Variants in NKAIN2 observed in about 807,000 individuals in gnomAD.
NKAIN2 encodes sodium/potassium-transporting ATPase subunit beta-1-interacting protein 2.
A neutral mutation model predicts 32.6 loss-of-function variants in NKAIN2; 14 were observed. That is an observed-to-expected ratio of 0.43 (90% CI 0.28 to 0.67). NKAIN2 has a LOEUF of 0.67. Ranked by LOEUF, NKAIN2 falls within the 30% of genes least tolerant of loss-of-function variation. The pLI, the probability that NKAIN2 is intolerant of heterozygous loss-of-function variation, is 0.17. For synonymous variants in NKAIN2, 80 were observed against 87.2 expected (o/e 0.92, Z 0.46); for missense variants, 198 against 258.3 (o/e 0.77, Z 1.60).
intron 3 of NKAIN2, among the ~76,000 whole-genome samples, chr6:124,471,156 T>C (rs760363796): frequency 1.3e-5 from 2 of 152,168 alleles, no homozygotes; most frequent in Non-Finnish European, 2.9e-5. Context: ...TTTCCTTGCT[T>C]TTATTCTCCT....
intron 4 of NKAIN2, among the ~76,000 whole-genome samples, chr6:124,753,252 C>T (rs910416684): frequency 5.3e-5 from 8 of 152,098 alleles, no homozygotes; most frequent in Non-Finnish European, 1.2e-4. Context: ...TTCATGTCAC[C>T]TTGTCTGCAG....
chr6:123,880,764 G>A (rs1285657186), intron 1 of NKAIN2, among the ~76,000 whole-genome samples: 1 of 152,082 alleles, frequency 6.6e-6, no homozygotes, highest in Non-Finnish European at 1.5e-5. Context: ...CAAGGTTGAA[G>A]TAATGGTTTT....
At chr6:123,950,230 G>A (rs1315475754) in intron 1 of NKAIN2, among the ~76,000 whole-genome samples, 1 of 151,700 alleles carries the variant, frequency 6.6e-6, no homozygotes, top group Non-Finnish European at 1.5e-5. Context: ...TGTTCAGCAG[G>A]GATATTGACC....
At chr6:124,822,377 C>T (rs1385316999) in intron 6 of NKAIN2, among the ~76,000 whole-genome samples, 1 of 152,098 alleles carries the variant, frequency 6.6e-6, no homozygotes, top group Non-Finnish European at 1.5e-5. Flanking sequence ...GTCCAAACAC[C>T]CTAAAAATAT....
chr6:123,943,411 A>G (rs1251319924), intron 1 of NKAIN2, among the ~76,000 whole-genome samples: 1 of 152,046 alleles, frequency 6.6e-6, no homozygotes, highest in Non-Finnish European at 1.5e-5. Context: ...CTGTCATTGC[A>G]AAGATATGAT....
At chr6:124,481,812 C>A (rs1263578271) in intron 3 of NKAIN2, among the ~76,000 whole-genome samples, 1 of 151,906 alleles carries the variant, frequency 6.6e-6, no homozygotes, top group Non-Finnish European at 1.5e-5. Flanking sequence ...ATAGATCATG[C>A]ATGCATAACA....
At chr6:124,503,751 C>G (rs970427724) in intron 3 of NKAIN2, among the ~76,000 whole-genome samples, 1 of 152,074 alleles carries the variant, frequency 6.6e-6, no homozygotes, top group Non-Finnish European at 1.5e-5. Context: ...GAGCATTTTG[C>G]ATTCTAAGAA....
chr6:123,860,292 A>T (rs1775736289), intron 1 of NKAIN2, among the ~76,000 whole-genome samples: 1 of 152,238 alleles, frequency 6.6e-6, no homozygotes, highest in South Asian at 2.1e-4. Context: ...GTTAAAAAAA[A>T]TGCTGGGAAT....
chr6:124,039,871 A>T (rs1452069382), intron 1 of NKAIN2, among the ~76,000 whole-genome samples: 1 of 151,964 alleles, frequency 6.6e-6, no homozygotes, highest in Non-Finnish European at 1.5e-5. Flanking sequence ...TAACTGTAAT[A>T]ATTAATAGTG....
chr6:124,669,726 C>T (rs1212174722), intron 4 of NKAIN2, among the ~76,000 whole-genome samples: 1 of 152,064 alleles, frequency 6.6e-6, no homozygotes, highest in African/African-American at 2.4e-5. Context: ...TTCTTAAATT[C>T]TCCTCTTTCA....
chr6:124,794,635 CGCTT>C (rs1562387283), intron 5 of NKAIN2, among the ~76,000 whole-genome samples: 1 of 152,120 alleles, frequency 6.6e-6, no homozygotes, highest in African/African-American at 2.4e-5. Context: ...AGTAGACTGA[CGCTT>C]GCCTCAGATG....
At chr6:124,386,041 A>G (rs1451125792) in intron 3 of NKAIN2, among the ~76,000 whole-genome samples, 1 of 152,124 alleles carries the variant, frequency 6.6e-6, no homozygotes, top group Non-Finnish European at 1.5e-5. Context: ...TCTTTTTTAC[A>G]TTATTAATTG....
chr6:123,860,792 C>T (rs1775758364), intron 1 of NKAIN2, among the ~76,000 whole-genome samples: 1 of 152,212 alleles, frequency 6.6e-6, no homozygotes. Context: ...GACCACCTCT[C>T]ACATACTTTT....
chr6:124,517,828 T>G (rs1284902431), intron 3 of NKAIN2, among the ~76,000 whole-genome samples: 1 of 152,166 alleles, frequency 6.6e-6, no homozygotes, highest in African/African-American at 2.4e-5. Context: ...TTCTGTTATA[T>G]TTCCAAGAAC....
intron 3 of NKAIN2, among the ~76,000 whole-genome samples, chr6:124,547,338 G>T (rs371998451): frequency 1.3e-5 from 2 of 151,964 alleles, no homozygotes; most frequent in East Asian, 3.9e-4. Flanking sequence ...AATAGAAAGA[G>T]CATTCTATTG....
chr6:124,347,735 T>G (rs945178637), intron 2 of NKAIN2, among the ~76,000 whole-genome samples: 2 of 152,184 alleles, frequency 1.3e-5, no homozygotes, highest in African/African-American at 2.4e-5. Flanking sequence ...TATACATTCA[T>G]CTAAATTTTT....
intron 1 of NKAIN2, among the ~76,000 whole-genome samples, chr6:124,160,110 A>G (rs533791139): frequency 2.0e-5 from 3 of 152,288 alleles, no homozygotes; most frequent in East Asian, 1.9e-4. Context: ...TACAATCGGG[A>G]AAAGAGCTTT....
intron 3 of NKAIN2, among the ~76,000 whole-genome samples, chr6:124,539,709 T>A (rs112760447): frequency 0.018 from 2,695 of 152,224 alleles, 71 homozygotes; most frequent in African/African-American, 0.062. Context: ...AAATATATAT[T>A]TTTTGTTTGT....
chr6:123,830,743 T>C (rs1774344912), intron 1 of NKAIN2, among the ~76,000 whole-genome samples: 1 of 152,216 alleles, frequency 6.6e-6, no homozygotes, highest in Admixed American at 6.5e-5. Context: ...TGCCACTGGA[T>C]TTTGTATATT....
Sources: allele counts gnomAD v4.1 joint callset (sites outside exome capture counted in the v4.1 genomes callset), GRCh38; gene constraint gnomAD v4.1.1; transcripts MANE v1.5; gene names NCBI Gene and HGNC (gene_info 2026-07-23, HGNC 2026-07-21).